The following GADL1 variants were observed in gnomAD, a reference collection of about 807,000 sequenced individuals.
GADL1 encodes the protein GAD like acidic amino acid decarboxylase 1, also known as acidic amino acid decarboxylase GADL1.
In GADL1, 71 loss-of-function variants were observed where a neutral mutation model predicts 69.5. The observed-to-expected ratio is 1.02, with a 90% confidence interval of 0.84 to 1.25. The LOEUF (loss-of-function observed/expected upper bound fraction) is 1.25, where lower values mean the gene tolerates loss of function less well. Ranked by LOEUF, GADL1 falls within the 50% of genes most tolerant of loss-of-function variation. GADL1 has a pLI of 0.00. For missense variants in GADL1, 737 were observed against 631.8 expected, an observed-to-expected ratio of 1.17 and a Z score of -1.79; for synonymous variants, 254 against 214.4, an observed-to-expected ratio of 1.18 and a Z score of -1.62.
chr3:30,867,252 A>G (rs757385944), intron 1 of GADL1, among the ~76,000 whole-genome samples: 2 of 151,904 alleles, frequency 1.3e-5, no homozygotes, highest in Non-Finnish European at 2.9e-5. Flanking sequence ...ACTGAAATAC[A>G]CTAATATGCA....
chr3:30,850,784 T>G, intron 5 of GADL1, 51 bp downstream of exon 5: 1 of 1,098,304 alleles, frequency 9.1e-7, no homozygotes, highest in Non-Finnish European at 1.4e-6. Context: ...CATGGATAAA[T>G]TTTTACGTGG....
intron 2 of GADL1, among the ~76,000 whole-genome samples, chr3:30,860,202 G>C (rs576406101): frequency 1.6e-4 from 25 of 151,856 alleles, no homozygotes; most frequent in African/African-American, 6.0e-4. Flanking sequence ...CCAAAAATCT[G>C]TTCCAGTCTC....
chr3:30,745,920 C>T (rs2125475132), intron 14 of GADL1, among the ~76,000 whole-genome samples: 1 of 151,962 alleles, frequency 6.6e-6, no homozygotes, highest in East Asian at 1.9e-4. Flanking sequence ...TCCATTTCTT[C>T]TTCTTCTTCT....
At chr3:30,853,207 C>T (rs145443316) in intron 4 of GADL1, among the ~76,000 whole-genome samples, 5 of 152,220 alleles carry the variant, frequency 3.3e-5, no homozygotes, top group Non-Finnish European at 5.9e-5. Context: ...TACTCTGTCC[C>T]CTAGGCAGTG....
At chr3:30,833,249 C>A (rs956479503) in intron 11 of GADL1, among the ~76,000 whole-genome samples, 4 of 152,040 alleles carry the variant, frequency 2.6e-5, no homozygotes, top group Admixed American at 2.6e-4. Flanking sequence ...TTTATACCTC[C>A]GGCCAAGAGG....
chr3:30,819,229 C>G (rs559771744), intron 11 of GADL1, among the ~76,000 whole-genome samples: 2 of 152,054 alleles, frequency 1.3e-5, no homozygotes, highest in East Asian at 3.9e-4. Context: ...GAATTGCTTT[C>G]TCTTCAGAGA....
At chr3:30,772,075 G>A (rs980417071) in intron 14 of GADL1, among the ~76,000 whole-genome samples, 7 of 152,130 alleles carry the variant, frequency 4.6e-5, no homozygotes, top group Admixed American at 3.9e-4. Flanking sequence ...TTCAAGTGCC[G>A]TTAATCAGAA....
chr3:30,888,189 C>CTA (rs1698734788), intron 1 of GADL1, among the ~76,000 whole-genome samples: 1 of 152,062 alleles, frequency 6.6e-6, no homozygotes, highest in Admixed American at 6.5e-5. Flanking sequence ...GAAACTGCAG[C>CTA]TAGGAAGGGC....
chr3:30,796,136 T>A (rs751535259), intron 12 of GADL1, among the ~76,000 whole-genome samples: 1 of 152,162 alleles, frequency 6.6e-6, no homozygotes, highest in Admixed American at 6.5e-5. Flanking sequence ...TCATAAAATA[T>A]CTATAACCTT....
rs1412460837 is a variant in GADL1, at chr3:30,834,048, CT to C, written c.969-115del. 9.9e-6 allele frequency: 9 copies of C among 910,272 alleles called. No individual in the cohort carries two copies. The African/African-American group carries it at 1.5e-4, about 15-fold the overall frequency. 56.4% of individuals were successfully genotyped at this position (910,272 alleles called of 1,614,324 possible). A position where few individuals can be genotyped will look rare whatever the true frequency, so the allele number is the denominator to read the frequency against. On this transcript the variant is annotated intron_variant, in intron 10 of 14. Coordinates refer to ENST00000282538, the MANE Select transcript of GADL1 (RefSeq NM_207359.3). ...CAGTACTCATACATAGTTTACTGTT[CT>C]ATAGAACTCCTTATCTGAGTGGTTT...
At chr3:30,845,317 G>C (rs1180120552) in intron 6 of GADL1, among the ~76,000 whole-genome samples, 1 of 152,104 alleles carries the variant, frequency 6.6e-6, no homozygotes, top group Non-Finnish European at 1.5e-5. Flanking sequence ...TGCAAACATT[G>C]GATATGTCGC....
At chr3:30,868,631 C>T (rs1172985190) in intron 1 of GADL1, among the ~76,000 whole-genome samples, 3 of 151,852 alleles carry the variant, frequency 2.0e-5, no homozygotes, top group Non-Finnish European at 4.4e-5. Context: ...GTAAAGAACT[C>T]AATAAATGAT....
At chr3:30,779,018 A>C (rs1696599540) in intron 13 of GADL1, 1 of 152,190 alleles carries the variant, frequency 6.6e-6, no homozygotes, top group Non-Finnish European at 1.5e-5. Flanking sequence ...TCTCATCTAC[A>C]CTAAGTAATC....
At chr3:30,755,371 TAAA>T (rs889731596) in intron 14 of GADL1, among the ~76,000 whole-genome samples, 4 of 103,416 alleles carry the variant, frequency 3.9e-5, no homozygotes, top group Non-Finnish European at 8.0e-5. Flanking sequence ...ATACTATTAC[TAAA>T]AAACTTGTTT....
chr3:30,886,779 A>C (rs960618542), intron 1 of GADL1, among the ~76,000 whole-genome samples: 6 of 152,212 alleles, frequency 3.9e-5, no homozygotes, highest in Non-Finnish European at 7.4e-5. Flanking sequence ...GTTGTGTGCA[A>C]GGTCACAGCC....
At chr3:30,890,083 G>A (rs1698766368) in intron 1 of GADL1, among the ~76,000 whole-genome samples, 2 of 152,110 alleles carry the variant, frequency 1.3e-5, no homozygotes, top group Non-Finnish European at 2.9e-5. Flanking sequence ...ATATTTAGAT[G>A]TTCCAAACAA....
chr3:30,752,226 TTTAAAC>T (rs1181046542), intron 14 of GADL1, among the ~76,000 whole-genome samples: 9 of 152,034 alleles, frequency 5.9e-5, no homozygotes, highest in African/African-American at 1.2e-4. Context: ...AGCTTTTCCT[TTTAAAC>T]TTAAGGGAGG....
chr3:30,806,929 C>T (rs2125510084), intron 11 of GADL1, among the ~76,000 whole-genome samples: 1 of 152,308 alleles, frequency 6.6e-6, no homozygotes, highest in East Asian at 1.9e-4. Context: ...CAACTTAAAA[C>T]TTCATTACTA....
Position 30,729,563 on chromosome 3 carries a change from G to A in GADL1, c.1393-1148C>T, listed in dbSNP as rs141215594. 3.3e-4 allele frequency among the ~76,000 whole-genome samples: 50 copies of A among 152,208 alleles called. 1 individual carries two copies. Among genetic ancestry groups the A allele is most frequent in the African/African-American group, 1.1e-3 (44 of 41,546 alleles). On this transcript the variant is annotated intron_variant, in intron 14 of 14. Coordinates refer to ENST00000282538, the MANE Select transcript of GADL1 (RefSeq NM_207359.3). ...GAGGGGCATGAATCTGGGTTCCCAC[G>A]AGTCTCCCTCTCTCGTAATGTGATA...
Sources: allele counts gnomAD v4.1 joint callset (sites outside exome capture counted in the v4.1 genomes callset), GRCh38; gene constraint gnomAD v4.1.1; transcripts MANE v1.5; gene names NCBI Gene and HGNC (gene_info 2026-07-23, HGNC 2026-07-21).